RIN2: variants seen among roughly 807,000 people sequenced by gnomAD.
RIN2 encodes Ras and Rab interactor 2, also known as RAB5 interacting protein 2.
Under a neutral mutation model 78.0 loss-of-function variants are expected in RIN2, and 36 were observed. The ratio of observed to expected loss-of-function variants is 0.46; its 90% confidence interval spans 0.35 to 0.61. RIN2 has a LOEUF of 0.61. Among genes scored for constraint, RIN2 ranks in the 20% least tolerant of loss-of-function variants. The pLI, the probability that RIN2 is intolerant of heterozygous loss-of-function variation, is 0.00. For synonymous variants in RIN2, 466 were observed against 466.8 expected (o/e 1.00, Z 0.02); for missense variants, 1,087 against 1,159.7 (o/e 0.94, Z 0.91).
chr20:19,828,358 C>T (rs2036156417), intron 2 of RIN2, among the ~76,000 whole-genome samples: 1 of 152,222 alleles, frequency 6.6e-6, no homozygotes, highest in Non-Finnish European at 1.5e-5. Context: ...CAGCTCCACC[C>T]ACAGCTTTCT....
chr20:19,857,245 T>C (rs1332310182), intron 2 of RIN2, among the ~76,000 whole-genome samples: 1 of 152,206 alleles, frequency 6.6e-6, no homozygotes, highest in African/African-American at 2.4e-5. Context: ...CCTTTGTGAC[T>C]GGCCTCTTTT....
At chr20:19,814,650 A>G (rs1445078490) in intron 2 of RIN2, among the ~76,000 whole-genome samples, 1 of 152,092 alleles carries the variant, frequency 6.6e-6, no homozygotes, top group Non-Finnish European at 1.5e-5. Flanking sequence ...TCCAGGCTGG[A>G]GTGCAGTGGC....
chr20:19,770,797 A>G (rs1056388806), intron 1 of RIN2, among the ~76,000 whole-genome samples: 1 of 151,864 alleles, frequency 6.6e-6, no homozygotes, highest in African/African-American at 2.4e-5. Flanking sequence ...CCCACACACC[A>G]AGTAGTGGAC....
chr20:19,818,090 C>G (rs1056844838), intron 2 of RIN2, among the ~76,000 whole-genome samples: 1 of 138,432 alleles, frequency 7.2e-6, no homozygotes, highest in Non-Finnish European at 1.6e-5. Context: ...GAGTTACAAA[C>G]CTGTGCAGCA....
chr20:19,868,813 G>A (rs190502556), intron 2 of RIN2, among the ~76,000 whole-genome samples: 2 of 152,258 alleles, frequency 1.3e-5, no homozygotes, highest in South Asian at 2.1e-4. Flanking sequence ...GGGCATGCTG[G>A]CTCACACCTG....
At chr20:19,995,766 G>A (rs540327928) in intron 11 of RIN2, among the ~76,000 whole-genome samples, 1 of 152,306 alleles carries the variant, frequency 6.6e-6, no homozygotes, top group East Asian at 1.9e-4. Context: ...CTTTCAAAGT[G>A]TATAGTTTAC....
At chr20:19,929,340 G>A (rs1352115121) in intron 3 of RIN2, among the ~76,000 whole-genome samples, 2 of 149,242 alleles carry the variant, frequency 1.3e-5, no homozygotes, top group Non-Finnish European at 2.9e-5. Context: ...TTGTTTTTGG[G>A]TTTTGTTTGT....
intron 1 of RIN2, among the ~76,000 whole-genome samples, chr20:19,783,631 G>A (rs1009720756): frequency 6.6e-5 from 10 of 152,134 alleles, no homozygotes; most frequent in Non-Finnish European, 1.5e-4. Flanking sequence ...TGATGGGGAA[G>A]GCGGTCCCAG....
At chr20:19,859,012 T>C (rs1914931481) in intron 2 of RIN2, among the ~76,000 whole-genome samples, 1 of 152,228 alleles carries the variant, frequency 6.6e-6, no homozygotes, top group Non-Finnish European at 1.5e-5. Flanking sequence ...TTGAGATCCC[T>C]GGGCTCAGAA....
intron 3 of RIN2, among the ~76,000 whole-genome samples, chr20:19,897,321 C>T (rs2038777595): frequency 6.6e-6 from 1 of 152,102 alleles, no homozygotes; most frequent in Admixed American, 6.5e-5. Flanking sequence ...GTTGGCCAGG[C>T]TGCTCTTTAA....
intron 2 of RIN2, among the ~76,000 whole-genome samples, chr20:19,803,223 A>G (rs1387522833): frequency 6.6e-6 from 1 of 152,198 alleles, no homozygotes; most frequent in Non-Finnish European, 1.5e-5. Context: ...GATGCAGCTT[A>G]GAAGCCTGAT....
intron 2 of RIN2, among the ~76,000 whole-genome samples, chr20:19,848,969 G>C (rs1483338900): frequency 6.6e-6 from 1 of 152,084 alleles, no homozygotes; most frequent in Non-Finnish European, 1.5e-5. Flanking sequence ...CGGCCATTTA[G>C]TTGTCCAAAC....
rs61019165 is a variant in RIN2 at position 19,971,735 on chromosome 20, A to ATTTTTTTTTTTTTTTTTTTTT, written c.628+810_628+830dup. ...TGAATTCCCTTCTGCTGAAACTGCA[A>ATTTTTTTTTTTTTTTTTTTTT]TTTTTTTTTTTTTTTTTTTTTTTTG... is the stretch of plus-strand genomic sequence containing the variant. On this transcript the variant is annotated intron_variant, in intron 8 of 12. Transcript: ENST00000255006. Among the ~76,000 whole-genome samples, 6 of 91,534 alleles carry ATTTTTTTTTTTTTTTTTTTTT rather than the reference A, an allele frequency of 6.6e-5. 1 individual carries two copies. The highest frequency in any genetic ancestry group is 2.5e-4 in the African/African-American group (5 of 20,144). 60.0% of individuals were successfully genotyped at this position (91,534 alleles called of 152,430 possible).
chr20:19,821,069 G>C (rs991729697), intron 2 of RIN2, among the ~76,000 whole-genome samples: 1 of 152,164 alleles, frequency 6.6e-6, no homozygotes, highest in Non-Finnish European at 1.5e-5. Flanking sequence ...TAAACGAGCT[G>C]TCTGGCTTTC....
intron 9 of RIN2, among the ~76,000 whole-genome samples, chr20:19,980,044 C>CAAAAAAAAAAAAAAAAAAA (rs56268489): frequency 1.4e-5 from 1 of 72,704 alleles, no homozygotes; most frequent in Non-Finnish European, 2.6e-5. Flanking sequence ...AACTCCATCT[C>CAAAAAAAAAAAAAAAAAAA]AAAAAAAAAA....
chr20:19,913,413 G>A (rs2039556872), intron 3 of RIN2, among the ~76,000 whole-genome samples: 1 of 152,156 alleles, frequency 6.6e-6, no homozygotes, highest in Non-Finnish European at 1.5e-5. Context: ...TTCTGAAAGT[G>A]CTGAGATTAC....
chr20:19,930,099 G>T (rs902938354), intron 3 of RIN2, among the ~76,000 whole-genome samples: 9 of 151,890 alleles, frequency 5.9e-5, no homozygotes, highest in South Asian at 2.1e-4. Context: ...GGCTGGGGCT[G>T]GGGGGGATGC....
At chr20:19,985,297 A>G (rs1005274984) in intron 9 of RIN2, among the ~76,000 whole-genome samples, 9 of 152,210 alleles carry the variant, frequency 5.9e-5, no homozygotes, top group Non-Finnish European at 1.2e-4. Context: ...TTGGAGAAGT[A>G]ATAAGAGTGA....
At chr20:19,990,882 T>A (rs1456242196) in intron 10 of RIN2, among the ~76,000 whole-genome samples, 2 of 152,206 alleles carry the variant, frequency 1.3e-5, no homozygotes. Flanking sequence ...CTTCATTGGC[T>A]AGCCCTTCTT....
Sources: allele counts gnomAD v4.1 joint callset (sites outside exome capture counted in the v4.1 genomes callset), GRCh38; gene constraint gnomAD v4.1.1; transcripts MANE v1.5; gene names NCBI Gene and HGNC (gene_info 2026-07-23, HGNC 2026-07-21).